The following CA8 variants were observed in gnomAD, a reference collection of about 807,000 sequenced individuals.
CA8 encodes the protein carbonic anhydrase-related protein.
CA8 carries 22 observed loss-of-function variants against 41.4 expected under a neutral mutation model. The ratio of observed to expected loss-of-function variants is 0.53; its 90% CI spans 0.38 to 0.76. The LOEUF (loss-of-function observed/expected upper bound fraction) is 0.76, where lower values mean the gene tolerates loss of function less well. Among genes scored for constraint, CA8 ranks in the 30% least tolerant of loss-of-function variants. The pLI, the probability that CA8 is intolerant of heterozygous loss-of-function variation, is 0.00. For missense variants in CA8, 270 were observed against 352.8 expected, an observed-to-expected ratio of 0.77 and a Z score of 1.88; for synonymous variants, 121 against 130.6, an observed-to-expected ratio of 0.93 and a Z score of 0.50.
chr8:60,260,806 T>C (rs988247196), intron 3 of CA8, among the ~76,000 whole-genome samples: 1 of 152,172 alleles, frequency 6.6e-6, no homozygotes, highest in Non-Finnish European at 1.5e-5. Flanking sequence ...TACATCTCCT[T>C]GGAAAATCAA....
At chr8:60,248,519 C>T (rs890928150) in intron 3 of CA8, among the ~76,000 whole-genome samples, 1 of 152,132 alleles carries the variant, frequency 6.6e-6, no homozygotes, top group Non-Finnish European at 1.5e-5. Context: ...ATCCTTTCCC[C>T]GTTGCTTGTT....
chr8:60,230,137 A>G (rs1281011690), intron 4 of CA8, among the ~76,000 whole-genome samples: 1 of 152,226 alleles, frequency 6.6e-6, no homozygotes, highest in Non-Finnish European at 1.5e-5. Context: ...GTTGTCAGGC[A>G]TGAACTCCCT....
chr8:60,222,064 G>A lies in CA8; in HGVS notation c.738+585C>T, dbSNP rs545890337. On this transcript the variant is annotated intron_variant, in intron 7 of 8. Coordinates refer to ENST00000317995, the MANE Select transcript of CA8 (RefSeq NM_004056.6). The stretch of plus-strand genomic sequence containing the variant: ...ATCATGGCTTAAATACATTCGAGTG[G>A]CGCTGCCTCATGTTCCACCAGCTAA... Among the ~76,000 whole-genome samples the A allele has an allele frequency of 2.0e-5, 3 of 152,246 alleles. No individual in the cohort carries two copies. The South Asian group carries it at 6.2e-4, about 32-fold the overall frequency.
At chr8:60,229,479 T>A (rs1267549855) in intron 4 of CA8, among the ~76,000 whole-genome samples, 1 of 152,152 alleles carries the variant, frequency 6.6e-6, no homozygotes, top group Non-Finnish European at 1.5e-5. Context: ...TCTCCCTTAC[T>A]GACCCACTAG....
intron 8 of CA8, among the ~76,000 whole-genome samples, chr8:60,202,508 G>A (rs1806463538): frequency 6.6e-6 from 1 of 152,112 alleles, no homozygotes; most frequent in Non-Finnish European, 1.5e-5. Context: ...ATTACTACTG[G>A]AGGGTTTCCA....
Position 60,190,432 on chromosome 8 carries a change from AATATATATATATATATATATAT to A in CA8, c.*36-469_*36-448del, listed in dbSNP as rs57878452. Among the ~76,000 whole-genome samples the A allele has an allele frequency of 1.4e-4, 14 of 99,346 alleles. 1 individual carries two copies. The highest frequency in any genetic ancestry group is 5.4e-3 in the Middle Eastern group (1 of 184). The allele number at this position is 99,346 out of a possible 152,430, so 65.2% of individuals were successfully genotyped here. A position where few individuals can be genotyped will look rare whatever the true frequency, so the allele number is the denominator to read the frequency against. On this transcript the variant is annotated intron_variant, in intron 8 of 8. Transcript: ENST00000317995. Reference sequence around the variant, plus strand: ...TCTATTAAATAAATAATAAATGCAGAATATATATATATATATATATATATATATATATATATATATATATGAC... The same window carrying A: ...TCTATTAAATAAATAATAAATGCAGAATATATATATATATATATATATGAC...
chr8:60,267,958 C>CA (rs1320635006), intron 2 of CA8, among the ~76,000 whole-genome samples: 12 of 152,186 alleles, frequency 7.9e-5, no homozygotes, highest in Non-Finnish European at 1.5e-5. Flanking sequence ...AACAACCTCA[C>CA]AACTCATTCC....
At chr8:60,249,607 T>TGAGCTTTTTGCTCTGATCTA in intron 3 of CA8, among the ~76,000 whole-genome samples, 3 of 152,326 alleles carry the variant, frequency 2.0e-5, no homozygotes, top group East Asian at 1.9e-4. Flanking sequence ...ATAAATAAAT[T>TGAGCTTTTTGCTCTGATCTA]GAGCTTTTTG....
rs761253713 is a variant in CA8, at chr8:60,187,468, A to C, written c.*2553T>G. On this transcript the variant is annotated 3_prime_UTR_variant, in exon 9 of 9. Coordinates refer to ENST00000317995, the MANE Select transcript of CA8 (RefSeq NM_004056.6). ...GCAGAAGTTAGTCTGCTTTCTTACT[A>C]ATCTTACTATTTTGTAAGATTTGAG... 1 of 152,158 alleles carries C rather than the reference A, an allele frequency of 6.6e-6. No homozygotes were observed. Among genetic ancestry groups the C allele is most frequent in the Non-Finnish European group, 1.5e-5 (1 of 67,998 alleles). 9.4% of individuals were successfully genotyped at this position (152,158 alleles called of 1,614,324 possible).
intron 8 of CA8, among the ~76,000 whole-genome samples, chr8:60,207,219 T>C (rs745915213): frequency 1.2e-4 from 19 of 152,230 alleles, no homozygotes; most frequent in Admixed American, 2.0e-4. Context: ...CTGTATTACT[T>C]TGGCCCGTAA....
chr8:60,224,534 C>T lies in CA8; in HGVS notation c.625+3G>A, dbSNP rs766145593. 1 of 1,557,760 alleles carries T rather than the reference C, an allele frequency of 6.4e-7. No individual in the cohort carries two copies. The highest frequency in any genetic ancestry group is 1.1e-5 in the South Asian group (1 of 89,546). ...CATTTTATGCAATCAGGTAAATACT[C>T]ACCTGGTAATAAAGTGTTAGGATTA... On this transcript the variant is annotated splice_donor_region_variant and intron_variant, in intron 6 of 8. Transcript: ENST00000317995.
intron 8 of CA8, chr8:60,208,050 A>G (rs1401044722): frequency 6.6e-6 from 1 of 152,294 alleles, no homozygotes; most frequent in African/African-American, 2.4e-5. Flanking sequence ...GAAATTTACA[A>G]GGTAAATAAA....
chr8:60,251,931 C>T (rs1808466418), intron 3 of CA8, among the ~76,000 whole-genome samples: 1 of 152,106 alleles, frequency 6.6e-6, no homozygotes, highest in Non-Finnish European at 1.5e-5. Flanking sequence ...AGGACAAATC[C>T]TAATAATCTA....
intron 4 of CA8, among the ~76,000 whole-genome samples, chr8:60,229,505 CATCACCTCCTGCTGCCACCCTGG>C (rs1807567494): frequency 6.6e-6 from 1 of 152,158 alleles, no homozygotes; most frequent in African/African-American, 2.4e-5. Context: ...CTCTCCCAGG[CATCACCTCCTGCTGCCACCCTGG>C]ATGACTTCAG....
intron 3 of CA8, among the ~76,000 whole-genome samples, chr8:60,237,326 T>C (rs1160612824): frequency 1.3e-5 from 2 of 152,220 alleles, no homozygotes; most frequent in Non-Finnish European, 2.9e-5. Context: ...TATCACGTTT[T>C]ACTGTTATTA....
chr8:60,240,720 T>C (rs1393862115), intron 3 of CA8, among the ~76,000 whole-genome samples: 5 of 115,158 alleles, frequency 4.3e-5, no homozygotes, highest in African/African-American at 2.8e-4. Context: ...CTTAATTGCC[T>C]TCCTCAGCCC....
intron 2 of CA8, among the ~76,000 whole-genome samples, chr8:60,268,281 C>A (rs536335734): frequency 1.8e-4 from 27 of 152,098 alleles, no homozygotes; most frequent in Non-Finnish European, 3.7e-4. Flanking sequence ...TCCCCAAAAC[C>A]CCTTTATCAC....
chr8:60,208,952 CAATT>C (rs755615035), intron 7 of CA8, 33 bp from the exon 8 acceptor site: 7 of 1,608,032 alleles, frequency 4.4e-6, no homozygotes, highest in Non-Finnish European at 6.0e-6. Flanking sequence ...ATAGATTAAT[CAATT>C]ATCGGACATT....
intron 3 of CA8, among the ~76,000 whole-genome samples, chr8:60,240,329 G>A (rs1807978071): frequency 6.6e-6 from 1 of 152,220 alleles, no homozygotes. Flanking sequence ...GGAGAACACA[G>A]AGACATCAGG....
Sources: allele counts gnomAD v4.1 joint callset (sites outside exome capture counted in the v4.1 genomes callset), GRCh38; gene constraint gnomAD v4.1.1; transcripts MANE v1.5; gene names NCBI Gene and HGNC (gene_info 2026-07-23, HGNC 2026-07-21).